Variants in RGS7BP observed in about 807,000 individuals in gnomAD.
RGS7BP encodes regulator of G protein signaling 7-binding protein.
RGS7BP carries 9 observed loss-of-function variants against 31.3 expected under a neutral mutation model. That is an observed-to-expected ratio of 0.29 (90% CI 0.17 to 0.50). RGS7BP has a LOEUF of 0.50. Ranked by LOEUF, RGS7BP falls within the 20% of genes least tolerant of loss-of-function variation. The pLI is 0.98. For synonymous variants in RGS7BP, 115 were observed against 120.1 expected, an observed-to-expected ratio of 0.96 and a Z score of 0.28; for missense variants, 274 against 322.0, an observed-to-expected ratio of 0.85 and a Z score of 1.14.
rs66605526 is a variant in RGS7BP, at chr5:64,606,021, CAT to C, written c.683-3122_683-3121del. Among the ~76,000 whole-genome samples, 972 of 115,172 alleles carry C rather than the reference CAT, an allele frequency of 8.4e-3. 48 individuals carry two copies. The highest frequency in any genetic ancestry group is 0.024 in the African/African-American group (690 of 28,168). The allele number at this position is 115,172 out of a possible 152,430, so 75.6% of individuals were successfully genotyped here. A position where few individuals can be genotyped will look rare whatever the true frequency, so the allele number is the denominator to read the frequency against. On this transcript the variant is annotated intron_variant, in intron 5 of 5. Transcript: ENST00000334025. The stretch of plus-strand genomic sequence containing the variant: ...TGCTATATATATGTATATCTGGATA[CAT>C]ATATATATATATATATAGAGAGAGA...
At chr5:64,520,093 T>C (rs1358504860) in intron 2 of RGS7BP, among the ~76,000 whole-genome samples, 1 of 152,182 alleles carries the variant, frequency 6.6e-6, no homozygotes, top group East Asian at 1.9e-4. Context: ...ATTTTTAAAA[T>C]CTCCATTTTA....
intron 5 of RGS7BP, among the ~76,000 whole-genome samples, chr5:64,600,832 G>A (rs1418487293): frequency 6.6e-6 from 1 of 152,228 alleles, no homozygotes; most frequent in Non-Finnish European, 1.5e-5. Context: ...GAGCTGACCA[G>A]TGGGGAAGGG....
chr5:64,538,740 G>A (rs10471628), intron 2 of RGS7BP, among the ~76,000 whole-genome samples: 1 of 151,576 alleles, frequency 6.6e-6, no homozygotes, highest in East Asian at 1.9e-4. Context: ...ATTGTTAGCA[G>A]AGATGAGGTT....
At chr5:64,595,934 T>C (rs1217566758) in intron 4 of RGS7BP, among the ~76,000 whole-genome samples, 3 of 152,190 alleles carry the variant, frequency 2.0e-5, no homozygotes, top group Non-Finnish European at 4.4e-5. Flanking sequence ...TTGTATAAGC[T>C]TGGAAATGCA....
At chr5:64,546,790 C>T (rs1741669862) in intron 2 of RGS7BP, among the ~76,000 whole-genome samples, 1 of 152,060 alleles carries the variant, frequency 6.6e-6, no homozygotes, top group African/African-American at 2.4e-5. Context: ...GATTTATGTA[C>T]AGTAAAGCAA....
At chr5:64,532,945 C>T (rs576490353) in intron 2 of RGS7BP, among the ~76,000 whole-genome samples, 16 of 152,304 alleles carry the variant, frequency 1.1e-4, no homozygotes, top group African/African-American at 3.6e-4. Context: ...TACCTCACAG[C>T]CTCATCAATA....
chr5:64,592,933 T>C (rs935959730), intron 3 of RGS7BP, among the ~76,000 whole-genome samples: 1 of 152,206 alleles, frequency 6.6e-6, no homozygotes, highest in South Asian at 2.1e-4. Context: ...ACTGGTAGAC[T>C]GACTGCACTT....
intron 5 of RGS7BP, among the ~76,000 whole-genome samples, chr5:64,600,480 AAAT>A (rs1193154170): frequency 6.6e-6 from 1 of 152,196 alleles, no homozygotes; most frequent in Non-Finnish European, 1.5e-5. Flanking sequence ...ACACAGAAAA[AAAT>A]AATTAGAATT....
intron 2 of RGS7BP, among the ~76,000 whole-genome samples, chr5:64,547,481 T>C (rs928733152): frequency 1.3e-5 from 2 of 152,202 alleles, no homozygotes; most frequent in African/African-American, 2.4e-5. Flanking sequence ...CTGGTACTTA[T>C]AACAATTTCA....
intron 2 of RGS7BP, among the ~76,000 whole-genome samples, chr5:64,559,270 A>G (rs1407849635): frequency 2.0e-5 from 3 of 152,118 alleles, no homozygotes; most frequent in African/African-American, 7.2e-5. Context: ...TTTATTTCTC[A>G]GAGCGGCCGA....
chr5:64,589,596 A>C (rs887540124), intron 3 of RGS7BP, among the ~76,000 whole-genome samples: 2 of 152,164 alleles, frequency 1.3e-5, no homozygotes, highest in South Asian at 4.1e-4. Flanking sequence ...ATGACATTGA[A>C]AATGAAAAAG....
At chr5:64,590,968 A>G (rs1304005108) in intron 3 of RGS7BP, among the ~76,000 whole-genome samples, 1 of 152,124 alleles carries the variant, frequency 6.6e-6, no homozygotes, top group African/African-American at 2.4e-5. Context: ...TTACAGATGA[A>G]TTATAGAACT....
intron 5 of RGS7BP, chr5:64,601,579 G>A (rs977905967): frequency 3.7e-6 from 1 of 272,410 alleles, no homozygotes; most frequent in Non-Finnish European, 5.6e-6. Context: ...AGAAAAGCAA[G>A]CCACCCTTGC....
chr5:64,511,822 A>C (rs1161596266), intron 2 of RGS7BP, among the ~76,000 whole-genome samples: 1 of 152,194 alleles, frequency 6.6e-6, no homozygotes, highest in Non-Finnish European at 1.5e-5. Flanking sequence ...TCTAAGTCAC[A>C]ATTCCTTCAT....
At chr5:64,532,442 A>C (rs1189704369) in intron 2 of RGS7BP, among the ~76,000 whole-genome samples, 1 of 152,166 alleles carries the variant, frequency 6.6e-6, no homozygotes, top group African/African-American at 2.4e-5. Context: ...AAGAGCATTT[A>C]TTCTTAGGAG....
intron 3 of RGS7BP, among the ~76,000 whole-genome samples, chr5:64,578,312 C>T (rs1453603058): frequency 6.6e-6 from 1 of 152,190 alleles, no homozygotes; most frequent in Admixed American, 6.5e-5. Context: ...AAGAAAATAC[C>T]TGATAGTACC....
chr5:64,522,333 C>T (rs4700635), intron 2 of RGS7BP, among the ~76,000 whole-genome samples: 13 of 152,178 alleles, frequency 8.5e-5, no homozygotes, highest in African/African-American at 3.1e-4. Context: ...AAGAGTATAG[C>T]TGGGGTAGTC....
intron 2 of RGS7BP, among the ~76,000 whole-genome samples, chr5:64,508,118 A>G (rs1000764802): frequency 6.6e-6 from 1 of 152,200 alleles, no homozygotes; most frequent in Non-Finnish European, 1.5e-5. Flanking sequence ...TTAAAAACTT[A>G]ATTTTCAATA....
In RGS7BP at chr5:64,611,685, A is replaced by G. The variant is rs988797807; in HGVS notation, c.*2433A>G. The G allele has an allele frequency of 1.3e-5, 2 of 152,256 alleles. No homozygotes were observed. Among genetic ancestry groups the G allele is most frequent in the Non-Finnish European group, 2.9e-5 (2 of 67,872 alleles). 9.4% of individuals were successfully genotyped at this position (152,256 alleles called of 1,614,324 possible). The stretch of plus-strand genomic sequence containing the variant: ...GATCAGTTTTGTAGTTCCCGTGGAT[A>G]AACTCCAAGATCTAAAGATCCTCTT... On this transcript the variant is annotated 3_prime_UTR_variant, in exon 6 of 6. Coordinates refer to ENST00000334025, the MANE Select transcript of RGS7BP (RefSeq NM_001029875.3).
Sources: gnomAD v4.1 joint callset for allele counts (sites outside exome capture counted in the v4.1 genomes callset) on GRCh38, gnomAD v4.1.1 for gene constraint, MANE v1.5 for transcripts, NCBI Gene and HGNC (gene_info 2026-07-23, HGNC 2026-07-21) for gene names.